Variants in ATP11C observed in about 807,000 individuals in gnomAD.
ATP11C encodes the protein ATPase phospholipid transporting 11C (ATP11C blood group), also known as phospholipid-transporting ATPase IG.
Under a neutral mutation model 97.4 loss-of-function variants are expected in ATP11C, and 36 were observed. That is an observed-to-expected ratio of 0.37 (90% confidence interval 0.28 to 0.49). The LOEUF is 0.49. Ranked by LOEUF, ATP11C falls within the 20% of genes least tolerant of loss-of-function variation. The pLI, the probability that ATP11C is intolerant of heterozygous loss-of-function variation, is 0.98. For synonymous variants in ATP11C, 275 were observed against 290.9 expected (o/e 0.95, Z 0.56); for missense variants, 730 against 824.6 (o/e 0.89, Z 1.40).
intron 27 of ATP11C, among the ~76,000 whole-genome samples, chrX:139,740,366 G>T (rs1288194215): frequency 1.8e-5 from 2 of 111,617 alleles, no homozygotes; most frequent in Non-Finnish European, 3.8e-5. Context: ...CTAACCCATA[G>T]AGTCTCAAGC....
intron 7 of ATP11C, among the ~76,000 whole-genome samples, chrX:139,800,704 T>C (rs184255143): frequency 8.9e-6 from 1 of 111,961 alleles, no homozygotes; most frequent in Non-Finnish European, 1.9e-5. Context: ...CTGTGACTTG[T>C]AGTTGATCTC....
chrX:139,807,305 C>A (rs2083065896), intron 5 of ATP11C, among the ~76,000 whole-genome samples: 1 of 110,959 alleles, frequency 9.0e-6, no homozygotes. Context: ...CACCAGGCCC[C>A]ACACAAAGCT....
chrX:139,844,156 ACTT>A (rs1386233329), intron 1 of ATP11C, among the ~76,000 whole-genome samples: 2 of 112,180 alleles, frequency 1.8e-5, no homozygotes, highest in African/African-American at 3.2e-5. Context: ...ACTAGATAAC[ACTT>A]CTTAATTAGC....
intron 26 of ATP11C, 115 bp downstream of exon 26, chrX:139,743,444 T>G: frequency 2.1e-6 from 1 of 473,450 alleles, no homozygotes; most frequent in Non-Finnish European, 3.5e-6. Flanking sequence ...GGCAAACACT[T>G]GAATAACAAC....
At chrX:139,883,247 C>G (rs949661986) in intron 1 of ATP11C, among the ~76,000 whole-genome samples, 2 of 110,613 alleles carry the variant, frequency 1.8e-5, no homozygotes, top group African/African-American at 3.3e-5. Flanking sequence ...GGCCTCACCT[C>G]ATGGCCCAAC....
At chrX:139,758,737 G>A (rs1049113447) in intron 22 of ATP11C, among the ~76,000 whole-genome samples, 19 of 111,803 alleles carry the variant, frequency 1.7e-4, no homozygotes, top group African/African-American at 4.2e-4. Context: ...ACTGTTACTT[G>A]GTCATGATGT....
intron 1 of ATP11C, among the ~76,000 whole-genome samples, chrX:139,854,749 G>C (rs1400474326): frequency 8.9e-6 from 1 of 112,196 alleles, no homozygotes; most frequent in Non-Finnish European, 1.9e-5. Context: ...TCAGTAAAAG[G>C]ATTATAAGGA....
At chrX:139,904,521 T>A (rs1420408435) in intron 1 of ATP11C, among the ~76,000 whole-genome samples, 2 of 111,503 alleles carry the variant, frequency 1.8e-5, no homozygotes, top group Non-Finnish European at 1.9e-5. Context: ...AGAGCGAAAC[T>A]CCATCTCGAA....
At chrX:139,849,333 T>C (rs2083955621) in intron 1 of ATP11C, among the ~76,000 whole-genome samples, 1 of 111,612 alleles carries the variant, frequency 9.0e-6, no homozygotes, top group Non-Finnish European at 1.9e-5. Flanking sequence ...CTTAAATATA[T>C]TTAAATACTT....
At position 139,783,155 on chromosome X, in the gene ATP11C, T is replaced by G. The variant is rs1298704181; in HGVS notation, c.1770+9A>C. Reference sequence around the variant, plus strand: ...TTACTTATTGGTGGGGGAAGGAGTATAGGCTCACCATTGCATTACGTTCCA... The same window carrying G: ...TTACTTATTGGTGGGGGAAGGAGTAGAGGCTCACCATTGCATTACGTTCCA... On this transcript the variant is annotated intron_variant, in intron 17 of 29. Coordinates refer to ENST00000682941, the MANE Select transcript of ATP11C (RefSeq NM_001353812.2). 1 of 1,158,426 alleles carries G rather than the reference T, an allele frequency of 8.6e-7. No individual in the cohort carries two copies. The highest frequency in any genetic ancestry group is 1.9e-5 in the South Asian group (1 of 53,763).
chrX:139,752,377 A>G (rs776067128), intron 23 of ATP11C, among the ~76,000 whole-genome samples: 3 of 112,002 alleles, frequency 2.7e-5, no homozygotes, highest in Non-Finnish European at 5.6e-5. Context: ...AGCCTGGCAC[A>G]AAGTAGGCAA....
intron 26 of ATP11C, among the ~76,000 whole-genome samples, chrX:139,742,342 C>T (rs768993043): frequency 8.9e-6 from 1 of 111,864 alleles, no homozygotes; most frequent in African/African-American, 3.2e-5. Context: ...GGTAAAGTTA[C>T]TTGCCGAAGG....
At chrX:139,882,970 A>G (rs2084584226) in intron 1 of ATP11C, among the ~76,000 whole-genome samples, 1 of 110,977 alleles carries the variant, frequency 9.0e-6, no homozygotes, top group Non-Finnish European at 1.9e-5. Context: ...AGAAACTTCA[A>G]CTTGGTCCTA....
chrX:139,808,550 A>C (rs1188399714), intron 5 of ATP11C, among the ~76,000 whole-genome samples: 1 of 111,903 alleles, frequency 8.9e-6, no homozygotes, highest in African/African-American at 3.2e-5. Flanking sequence ...GCATATCAGA[A>C]GACAATGGAG....
intron 1 of ATP11C, among the ~76,000 whole-genome samples, chrX:139,905,788 G>GT (rs772434321): frequency 1.8e-5 from 2 of 111,716 alleles, no homozygotes; most frequent in African/African-American, 6.5e-5. Context: ...ATTGCCTGCT[G>GT]TAATTGGAAA....
chrX:139,844,462 A>G (rs1416918360), intron 1 of ATP11C, among the ~76,000 whole-genome samples: 1 of 112,420 alleles, frequency 8.9e-6, no homozygotes, highest in Non-Finnish European at 1.9e-5. Flanking sequence ...GTAAGAAGAA[A>G]GCACATATGC....
chrX:139,809,389 A>C (rs1262420197), intron 5 of ATP11C, among the ~76,000 whole-genome samples: 2 of 112,449 alleles, frequency 1.8e-5, no homozygotes, highest in South Asian at 7.3e-4. Flanking sequence ...CCTTGAAAAC[A>C]TTATGCTAAG....
chrX:139,872,284 TGG>T (rs74381153), intron 1 of ATP11C, among the ~76,000 whole-genome samples: 10 of 12,121 alleles, frequency 8.3e-4, no homozygotes, highest in Admixed American at 2.8e-3. Context: ...AATAAAAATG[TGG>T]GGGGGGGGAG....
chrX:139,865,250 G>A (rs191941750), intron 1 of ATP11C, among the ~76,000 whole-genome samples: 12 of 111,385 alleles, frequency 1.1e-4, no homozygotes, highest in African/African-American at 2.9e-4. Flanking sequence ...ACATGCCTGT[G>A]ATCCCAGCTA....
Sources: gnomAD v4.1 joint callset for allele counts (sites outside exome capture counted in the v4.1 genomes callset) on GRCh38, gnomAD v4.1.1 for gene constraint, MANE v1.5 for transcripts, NCBI Gene and HGNC (gene_info 2026-07-23, HGNC 2026-07-21) for gene names.